SNX29: variants seen among roughly 807,000 people sequenced by gnomAD.
SNX29 encodes the protein sorting nexin 29.
SNX29 carries 78 observed loss-of-function variants against 102.1 expected under a neutral mutation model. That is an observed-to-expected ratio of 0.76 (90% CI 0.64 to 0.92). The LOEUF (loss-of-function observed/expected upper bound fraction) is 0.92. Among genes scored for constraint, SNX29 ranks in the 40% least tolerant of loss-of-function variants. The probability of loss-of-function intolerance (pLI) is 0.00; values close to 1 mark genes in which losing one functional copy is unlikely to be tolerated. For missense variants in SNX29, 1,280 were observed against 1,061.7 expected (o/e 1.21, Z -2.86); for synonymous variants, 580 against 414.5 (o/e 1.40, Z -4.85).
intron 3 of SNX29, among the ~76,000 whole-genome samples, chr16:12,015,537 C>CTT (rs75041580): frequency 3.6e-5 from 5 of 137,562 alleles, no homozygotes; most frequent in African/African-American, 1.1e-4. Flanking sequence ...CGTGCCTGGT[C>CTT]TTTTTTTTTT....
intron 20 of SNX29, chr16:12,557,503 A>AG (rs2078443333): frequency 6.6e-6 from 1 of 152,184 alleles, no homozygotes; most frequent in African/African-American, 2.4e-5. Flanking sequence ...CTGGGATTAC[A>AG]GGAACACACC....
chr16:12,044,069 G>C (rs929237322), intron 5 of SNX29, among the ~76,000 whole-genome samples: 27 of 152,152 alleles, frequency 1.8e-4, no homozygotes, highest in African/African-American at 6.0e-4. Context: ...CATTAGTTTT[G>C]CTCTGAGAAT....
At chr16:12,197,184 C>A (rs1336589520) in intron 13 of SNX29, among the ~76,000 whole-genome samples, 1 of 152,170 alleles carries the variant, frequency 6.6e-6, no homozygotes, top group African/African-American at 2.4e-5. Context: ...CTTTCTTTCC[C>A]TGATTTTAAG....
chr16:12,214,906 C>T (rs939335657), intron 14 of SNX29, among the ~76,000 whole-genome samples: 7 of 152,160 alleles, frequency 4.6e-5, no homozygotes, highest in Non-Finnish European at 8.8e-5. Context: ...TCTGTGGTGA[C>T]AGATTCAAGA....
At chr16:12,155,604 C>G (rs139401124) in intron 13 of SNX29, among the ~76,000 whole-genome samples, 6 of 152,296 alleles carry the variant, frequency 3.9e-5, no homozygotes, top group Non-Finnish European at 8.8e-5. Flanking sequence ...GGCCGCTTTT[C>G]TATGCTAGCT....
intron 18 of SNX29, among the ~76,000 whole-genome samples, chr16:12,451,734 C>A (rs1308344397): frequency 6.6e-6 from 1 of 152,180 alleles, no homozygotes; most frequent in Non-Finnish European, 1.5e-5. Context: ...CATGGTGATG[C>A]ACACCTGTAG....
At chr16:12,070,442 C>T (rs2151305318) in intron 10 of SNX29, among the ~76,000 whole-genome samples, 1 of 150,664 alleles carries the variant, frequency 6.6e-6, no homozygotes, top group East Asian at 2.0e-4. Context: ...GTTTTTTGTC[C>T]TTGCGATAGT....
At chr16:11,999,864 G>A (rs539938671) in intron 2 of SNX29, among the ~76,000 whole-genome samples, 2 of 151,910 alleles carry the variant, frequency 1.3e-5, no homozygotes, top group African/African-American at 4.8e-5. Context: ...TTGCGCCACT[G>A]CACTCCAGCC....
At chr16:12,536,553 C>G (rs768914113) in intron 20 of SNX29, among the ~76,000 whole-genome samples, 2 of 152,120 alleles carry the variant, frequency 1.3e-5, no homozygotes, top group Non-Finnish European at 2.9e-5. Context: ...TAATTATAGC[C>G]CCTACCTCAG....
At chr16:12,399,522 T>C (rs1355337259) in intron 17 of SNX29, among the ~76,000 whole-genome samples, 1 of 152,194 alleles carries the variant, frequency 6.6e-6, no homozygotes, top group Non-Finnish European at 1.5e-5. Flanking sequence ...GGCTGGGCCT[T>C]GGAAAGAGCA....
intron 16 of SNX29, among the ~76,000 whole-genome samples, chr16:12,388,645 A>G (rs1387497298): frequency 1.3e-5 from 2 of 152,186 alleles, no homozygotes; most frequent in African/African-American, 2.4e-5. Flanking sequence ...GTCATAGATG[A>G]TACATAACTG....
chr16:12,450,675 G>C (rs1465501974), intron 18 of SNX29, among the ~76,000 whole-genome samples: 5 of 152,182 alleles, frequency 3.3e-5, no homozygotes, highest in Non-Finnish European at 5.9e-5. Flanking sequence ...GTGGCCCAAA[G>C]GATGAGCTAG....
intron 15 of SNX29, among the ~76,000 whole-genome samples, chr16:12,354,182 A>G (rs755128752): frequency 6.6e-6 from 1 of 152,232 alleles, no homozygotes; most frequent in Non-Finnish European, 1.5e-5. Flanking sequence ...GGTTTATGTA[A>G]GATGAAAGCT....
chr16:12,211,399 C>A (rs976031133), intron 14 of SNX29, among the ~76,000 whole-genome samples: 4 of 152,144 alleles, frequency 2.6e-5, no homozygotes, highest in Non-Finnish European at 5.9e-5. Flanking sequence ...TGCTGGGCCC[C>A]GGGGTAGCTT....
chr16:12,197,174 C>T (rs2076797053), intron 13 of SNX29, among the ~76,000 whole-genome samples: 1 of 152,150 alleles, frequency 6.6e-6, no homozygotes, highest in Non-Finnish European at 1.5e-5. Context: ...CTATAACTGC[C>T]TTTCTTTCCC....
chr16:12,548,864 G>T (rs1009949467), intron 20 of SNX29, among the ~76,000 whole-genome samples: 1 of 152,208 alleles, frequency 6.6e-6, no homozygotes, highest in African/African-American at 2.4e-5. Context: ...TCTGCAGCCA[G>T]GGCCCTTGGC....
rs565906379 is a variant in SNX29, at chr16:12,196,681, C to T, written c.1596-2920C>T. On this transcript the variant is annotated intron_variant, in intron 13 of 20. Transcript: ENST00000566228. ...CTGTTGCGAGGCTGGAGTGCAGTGG[C>T]ATGATCTTGGCTCACTGCAAGCTCC... 7.0e-5 allele frequency among the ~76,000 whole-genome samples: 10 copies of T among 142,418 alleles called. No homozygotes were observed. In the Admixed American group the frequency reaches 7.7e-4, roughly 11 times the overall value. The allele number at this position is 142,418 out of a possible 152,430, so 93.4% of individuals were successfully genotyped here. A position where few individuals can be genotyped will look rare whatever the true frequency, so the allele number is the denominator to read the frequency against.
intron 3 of SNX29, among the ~76,000 whole-genome samples, chr16:12,010,356 C>G: frequency 6.6e-6 from 1 of 152,166 alleles, no homozygotes; most frequent in Non-Finnish European, 1.5e-5. Flanking sequence ...TGCAGTGGCC[C>G]GCACTTGTAA....
Position 12,571,432 on chromosome 16 carries a change from C to T in SNX29, c.*2803C>T, listed in dbSNP as rs1196646727. On this transcript the variant is annotated 3_prime_UTR_variant, in exon 21 of 21. Coordinates refer to ENST00000566228, the MANE Select transcript of SNX29 (RefSeq NM_032167.5). ...ACATCTGTCTTCTTCTAAGATTACT[C>T]GGAGATTTTCAAACAACATCTGAGA... The T allele has an allele frequency of 3.4e-5, 8 of 234,912 alleles. No individual in the cohort carries two copies. The highest frequency in any genetic ancestry group is 1.2e-4 in the East Asian group (2 of 16,358). The allele number at this position is 234,912 out of a possible 1,614,324, so 14.6% of individuals were successfully genotyped here.
Sources: gnomAD v4.1 joint callset for allele counts (sites outside exome capture counted in the v4.1 genomes callset) on GRCh38, gnomAD v4.1.1 for gene constraint, MANE v1.5 for transcripts, NCBI Gene and HGNC (gene_info 2026-07-23, HGNC 2026-07-21) for gene names.